Variants in SMPD4 observed in about 807,000 individuals in gnomAD.
SMPD4 encodes the protein neutral sphingomyelinase 3.
In SMPD4, 58 loss-of-function variants were observed where a neutral mutation model predicts 97.8. The ratio of observed to expected loss-of-function variants is 0.59; its 90% CI spans 0.48 to 0.74. The LOEUF (loss-of-function observed/expected upper bound fraction) is 0.74, where lower values mean the gene tolerates loss of function less well. Ranked by LOEUF, SMPD4 falls within the 30% of genes least tolerant of loss-of-function variation. The pLI, the probability that SMPD4 is intolerant of heterozygous loss-of-function variation, is 0.00. For synonymous variants in SMPD4, 388 were observed against 450.0 expected (o/e 0.86, Z 1.74); for missense variants, 853 against 1,080.5 (o/e 0.79, Z 2.95).
intron 3 of SMPD4, among the ~76,000 whole-genome samples, 157 bp from the exon 4 acceptor site, chr2:130,173,813 T>C (rs1414762608): frequency 1.3e-5 from 2 of 152,236 alleles, no homozygotes; most frequent in South Asian, 2.1e-4. Flanking sequence ...CCTGGTGCCA[T>C]GGTGCCAACG....
At chr2:130,173,691 C>T (rs1406700243) in intron 3 of SMPD4, 35 bp from the exon 4 acceptor site, 2 of 1,612,974 alleles carry the variant, frequency 1.2e-6, no homozygotes, top group Non-Finnish European at 1.7e-6. Flanking sequence ...CGTGCAGGAC[C>T]AGCACCCACT....
intron 1 of SMPD4, among the ~76,000 whole-genome samples, chr2:130,179,683 T>A (rs1035611887): frequency 1.3e-5 from 2 of 150,970 alleles, no homozygotes; most frequent in Non-Finnish European, 2.9e-5. Flanking sequence ...TGAGATGGAG[T>A]CTCGCTCCGT....
Position 130,176,742 on chromosome 2 carries a change from C to A in SMPD4, c.-45-105G>T, listed in dbSNP as rs912584582. The stretch of plus-strand genomic sequence containing the variant: ...TTGTTCTGTTGCCCAGGCTGGCATG[C>A]AGCAGCACGATCATAGCTCACTGCA... On this transcript the variant is annotated intron_variant, in intron 1 of 19. Transcript: ENST00000680298. 8.0e-6 allele frequency: 7 copies of A among 879,646 alleles called. No homozygotes were observed. The African/African-American group carries it at 1.2e-4, about 15-fold the overall frequency. 54.5% of individuals were successfully genotyped at this position (879,646 alleles called of 1,614,324 possible).
chr2:130,168,866 C>A (rs1212129367), intron 8 of SMPD4, among the ~76,000 whole-genome samples: 1 of 151,816 alleles, frequency 6.6e-6, no homozygotes. Flanking sequence ...GGATTACAGG[C>A]GCACACCACC....
rs1687373029 is a variant in SMPD4 at position 130,161,246 on chromosome 2, ACT to A, written c.889_890del (p.Ser297CysfsTer27). ...CGGGGCTGTAGAGGGCGCTGGAGAC[ACT>A]GAGTCGGTAGTGCAGAACCTCCAGC... The part of the protein sequence containing the change: ...AKLEVLHYRL[S>X]VSSALYSPAQ... On this transcript the variant is annotated frameshift_variant, in exon 11 of 20. Coordinates refer to ENST00000680298, the MANE Select transcript of SMPD4 (RefSeq NM_017951.5). LOFTEE classifies it high-confidence loss of function. 6.2e-7 allele frequency: 1 copy of A among 1,613,948 alleles called. No homozygotes were observed. The highest frequency in any genetic ancestry group is 1.3e-5 in the African/African-American group (1 of 74,934).
chr2:130,173,489 T>G (rs547877078), intron 4 of SMPD4, 25 bp downstream of exon 4: 1 of 1,588,632 alleles, frequency 6.3e-7, no homozygotes. Context: ...TCACCCAGCC[T>G]CTCTCCGGTG....
intron 2 of SMPD4, 54 bp from the exon 3 acceptor site, chr2:130,175,054 T>TA: frequency 7.8e-7 from 1 of 1,282,882 alleles, no homozygotes; most frequent in Non-Finnish European, 1.1e-6. Context: ...CTGCAGCTTT[T>TA]AGTGGCACTC....
At chr2:130,158,374 G>A in intron 11 of SMPD4, 1 of 541,228 alleles carries the variant, frequency 1.8e-6, no homozygotes, top group South Asian at 2.1e-5. Flanking sequence ...CTGGAGCACA[G>A]TGGCGCAATC....
chr2:130,155,495 C>T (rs113994554), intron 14 of SMPD4, among the ~76,000 whole-genome samples: 1,914 of 152,188 alleles, frequency 0.013, 60 homozygotes, highest in African/African-American at 0.044. Context: ...AGGCTGAGGC[C>T]CCTTTCCAAG....
rs1302471394 is a variant in SMPD4, at chr2:130,173,355, C to G, written c.270-1G>C. The G allele has an allele frequency of 1.2e-6, 2 of 1,612,260 alleles. No individual in the cohort carries two copies. Among genetic ancestry groups the G allele is most frequent in the Middle Eastern group, 3.3e-4 (2 of 6,048 alleles). On this transcript the variant is annotated splice_acceptor_variant, in intron 4 of 19. Coordinates refer to ENST00000680298, the MANE Select transcript of SMPD4 (RefSeq NM_017951.5). LOFTEE classifies it high-confidence loss of function. ...ATAAACCAACTTCATCATTGGGCCACTGAACACGAAATTGAACAAACAAAC... is the reference window on the plus strand; with the variant it reads ...ATAAACCAACTTCATCATTGGGCCAGTGAACACGAAATTGAACAAACAAAC...
intron 11 of SMPD4, chr2:130,158,143 A>T: frequency 8.3e-7 from 1 of 1,211,180 alleles, no homozygotes; most frequent in Non-Finnish European, 1.1e-6. Flanking sequence ...GTTCAAAAAT[A>T]AGAACCCCAT....
chr2:130,157,741 G>A (rs1686962784), intron 11 of SMPD4: 1 of 337,388 alleles, frequency 3.0e-6, no homozygotes, highest in East Asian at 7.2e-5. Flanking sequence ...CACAGGCTGT[G>A]CCCTTGGGCG....
intron 1 of SMPD4, among the ~76,000 whole-genome samples, chr2:130,180,869 T>C (rs1007662185): frequency 1.3e-5 from 2 of 152,190 alleles, no homozygotes; most frequent in Non-Finnish European, 2.9e-5. Context: ...GTTATCTGAC[T>C]CTGCCATGGC....
intron 1 of SMPD4, 177 bp downstream of exon 1, chr2:130,181,353 A>T: frequency 2.8e-6 from 4 of 1,439,650 alleles, no homozygotes; most frequent in South Asian, 1.5e-5. Flanking sequence ...CATGGCCCAG[A>T]GGGGTGGCAG....
intron 2 of SMPD4, 98 bp downstream of exon 2, chr2:130,176,456 C>A: frequency 2.1e-6 from 2 of 963,360 alleles, no homozygotes; most frequent in South Asian, 3.4e-5. Context: ...TAAAAAACAA[C>A]CACTACAGAG....
chr2:130,153,972 G>C, intron 16 of SMPD4, 37 bp from the exon 17 acceptor site: 2 of 1,586,426 alleles, frequency 1.3e-6, no homozygotes, highest in Non-Finnish European at 1.7e-6. Context: ...CAGCAGGACA[G>C]GCCTGTGCTG....
At chr2:130,156,476 C>T in intron 13 of SMPD4, 109 bp downstream of exon 13, 1 of 1,117,268 alleles carries the variant, frequency 9.0e-7, no homozygotes, top group Non-Finnish European at 1.3e-6. Flanking sequence ...CCCTCCTTGC[C>T]AAGGCCTCTG....
At chr2:130,165,108 TAAAAAA>T (rs35361623) in intron 9 of SMPD4, among the ~76,000 whole-genome samples, 2 of 61,898 alleles carry the variant, frequency 3.2e-5, no homozygotes, top group Non-Finnish European at 6.0e-5. Context: ...GACTCTGATT[TAAAAAA>T]AAAAAAAAAA....
At position 130,173,627 on chromosome 2, in the gene SMPD4, T is replaced by C. The variant is rs1411214376; in HGVS notation, c.156A>G (p.Val52=). 6.2e-7 allele frequency: 1 copy of C among 1,613,918 alleles called. No homozygotes were observed. Among genetic ancestry groups the C allele is most frequent in the African/African-American group, 1.3e-5 (1 of 75,024 alleles). The change falls in exon 4 of 20, where the codon GTA becomes GTG. Residue 52 remains valine (V), a synonymous_variant. Transcript: ENST00000680298. ...KELHTIFPWL[V]ESIFGSLDGV... ...CATCTAGGCTGCCAAAAATGCTTTCTACCAGCCATGGGAAGATGGTGTGCA... is the reference window on the plus strand; with the variant it reads ...CATCTAGGCTGCCAAAAATGCTTTCCACCAGCCATGGGAAGATGGTGTGCA...
Sources: allele counts gnomAD v4.1 joint callset (sites outside exome capture counted in the v4.1 genomes callset), GRCh38; gene constraint gnomAD v4.1.1; transcripts MANE v1.5; gene names NCBI Gene and HGNC (gene_info 2026-07-23, HGNC 2026-07-21).